CEP112: variants seen among roughly 807,000 people sequenced by gnomAD.
CEP112 encodes centrosomal protein 112.
CEP112 carries 127 observed loss-of-function variants against 153.0 expected under a neutral mutation model. The observed-to-expected ratio is 0.83, with a 90% CI of 0.72 to 0.96. The LOEUF is 0.96. CEP112 is among the 40% of genes least tolerant of loss of function. CEP112 has a pLI of 0.00. For missense variants in CEP112, 1,089 were observed against 1,101.2 expected (o/e 0.99, Z 0.16); for synonymous variants, 358 against 374.4 (o/e 0.96, Z 0.51).
chr17:66,039,538 C>T (rs2065886121), intron 12 of CEP112, among the ~76,000 whole-genome samples: 1 of 152,108 alleles, frequency 6.6e-6, no homozygotes, highest in Non-Finnish European at 1.5e-5. Context: ...GCCTGGGCAA[C>T]AGAGCAAGAC....
chr17:65,811,369 G>T (rs931922215), intron 21 of CEP112, among the ~76,000 whole-genome samples: 1 of 152,280 alleles, frequency 6.6e-6, no homozygotes, highest in Middle Eastern at 3.4e-3. Context: ...AGTCCCACAG[G>T]GCAAAAAACT....
chr17:65,702,599 G>C (rs1023641788), intron 23 of CEP112, among the ~76,000 whole-genome samples: 7 of 152,238 alleles, frequency 4.6e-5, no homozygotes, highest in Admixed American at 2.0e-4. Flanking sequence ...ATTATTGTTG[G>C]TAGTCTCTTA....
chr17:66,033,571 C>G (rs939982483), intron 12 of CEP112, among the ~76,000 whole-genome samples: 1 of 152,184 alleles, frequency 6.6e-6, no homozygotes, highest in Non-Finnish European at 1.5e-5. Flanking sequence ...TTACTGTTCT[C>G]TCTGCCTAAA....
intron 24 of CEP112, among the ~76,000 whole-genome samples, chr17:65,677,146 C>T (rs2047277544): frequency 6.6e-6 from 1 of 152,122 alleles, no homozygotes; most frequent in Non-Finnish European, 1.5e-5. Context: ...TGCTCTTTAC[C>T]TCCTATTTCT....
Position 65,855,934 on chromosome 17 carries a change from T to C in CEP112, c.2164-3900A>G, listed in dbSNP as rs557827588. On this transcript the variant is annotated intron_variant, in intron 20 of 26. Coordinates refer to ENST00000535342, the MANE Select transcript of CEP112 (RefSeq NM_001199165.4). ...CAGAAATGAGTCAGGTGTGGTGGGG[T>C]GTGCCTGTAGTCCCAGCTACTCAGG... 9.2e-5 allele frequency among the ~76,000 whole-genome samples: 14 copies of C among 151,878 alleles called. No homozygotes were observed. The South Asian group carries it at 2.5e-3, about 27-fold the overall frequency.
chr17:65,677,116 G>A lies in CEP112; in HGVS notation c.2697+12013C>T, dbSNP rs77955806. Among the ~76,000 whole-genome samples, 1,286 of 152,190 alleles carry A rather than the reference G, an allele frequency of 8.4e-3. 18 individuals carry two copies. The highest frequency in any genetic ancestry group is 0.029 in the African/African-American group (1,208 of 41,532). On this transcript the variant is annotated intron_variant, in intron 24 of 26. Coordinates refer to ENST00000535342, the MANE Select transcript of CEP112 (RefSeq NM_001199165.4). Reference sequence around the variant, plus strand: ...TCCTTCTTATTAATAATAAAAAACTGGACAATCTGGCTGTCAGCGTGCTCT... The same window carrying A: ...TCCTTCTTATTAATAATAAAAAACTAGACAATCTGGCTGTCAGCGTGCTCT...
chr17:65,880,235 T>C (rs2146592203), intron 20 of CEP112, among the ~76,000 whole-genome samples: 1 of 152,330 alleles, frequency 6.6e-6, no homozygotes, highest in South Asian at 2.1e-4. Flanking sequence ...ATTATTTAGA[T>C]GACCTATAAT....
At chr17:65,710,390 C>A (rs181957278) in intron 23 of CEP112, among the ~76,000 whole-genome samples, 1 of 152,106 alleles carries the variant, frequency 6.6e-6, no homozygotes, top group East Asian at 1.9e-4. Context: ...CTGTGATTTT[C>A]TTATTAATTT....
intron 20 of CEP112, 32 bp downstream of exon 20, chr17:65,902,120 T>C (rs370915298): frequency 1.2e-5 from 18 of 1,541,310 alleles, no homozygotes; most frequent in African/African-American, 1.4e-5. Context: ...TAAAAACAGA[T>C]ACCCGTTTTA....
intron 8 of CEP112, among the ~76,000 whole-genome samples, chr17:66,090,489 A>C (rs907733918): frequency 1.3e-5 from 2 of 152,108 alleles, no homozygotes; most frequent in South Asian, 2.1e-4. Context: ...GCCTGTCATG[A>C]AAATAAGATG....
At chr17:65,781,253 A>G (rs1410013695) in intron 21 of CEP112, among the ~76,000 whole-genome samples, 1 of 152,182 alleles carries the variant, frequency 6.6e-6, no homozygotes, top group Non-Finnish European at 1.5e-5. Flanking sequence ...TCAGGAATGC[A>G]ATCTCATCTA....
At chr17:66,001,854 T>C (rs1222935709) in intron 17 of CEP112, among the ~76,000 whole-genome samples, 1 of 152,182 alleles carries the variant, frequency 6.6e-6, no homozygotes, top group Non-Finnish European at 1.5e-5. Context: ...CCCATATGCT[T>C]TAATTACTTA....
chr17:65,856,943 A>C (rs2058140919), intron 20 of CEP112, among the ~76,000 whole-genome samples: 1 of 152,214 alleles, frequency 6.6e-6, no homozygotes, highest in Non-Finnish European at 1.5e-5. Context: ...TCACCCTTCC[A>C]GTACAGGCAT....
chr17:65,767,596 G>GA (rs1371456374), intron 21 of CEP112, among the ~76,000 whole-genome samples: 1 of 151,624 alleles, frequency 6.6e-6, no homozygotes. Flanking sequence ...GTTGGTTTTT[G>GA]AAAAAATGAA....
chr17:65,774,087 A>C (rs923345504), intron 21 of CEP112, among the ~76,000 whole-genome samples: 5 of 41,612 alleles, frequency 1.2e-4, no homozygotes, highest in Non-Finnish European at 1.9e-4. Context: ...GCTCCATCTC[A>C]AAAAAAAAAA....
At chr17:65,771,741 A>G (rs1361208137) in intron 21 of CEP112, among the ~76,000 whole-genome samples, 1 of 152,214 alleles carries the variant, frequency 6.6e-6, no homozygotes, top group Non-Finnish European at 1.5e-5. Flanking sequence ...ATGGCTAGGC[A>G]TGGTAGCTCA....
chr17:66,052,881 C>A (rs1484227565), intron 12 of CEP112, among the ~76,000 whole-genome samples: 2 of 151,868 alleles, frequency 1.3e-5, no homozygotes, highest in African/African-American at 4.8e-5. Context: ...CCAACGCGGG[C>A]AGATCGCTTG....
intron 12 of CEP112, among the ~76,000 whole-genome samples, chr17:66,037,491 A>C (rs1039365574): frequency 6.6e-6 from 1 of 152,160 alleles, no homozygotes; most frequent in Non-Finnish European, 1.5e-5. Context: ...TATAATGCTA[A>C]GTAATGATTA....
intron 23 of CEP112, among the ~76,000 whole-genome samples, chr17:65,700,966 T>C (rs1046728231): frequency 4.1e-4 from 63 of 152,290 alleles, no homozygotes; most frequent in African/African-American, 1.5e-3. Context: ...CTTAGGACAT[T>C]AAATTTTCGG....
Sources: allele counts gnomAD v4.1 joint callset (sites outside exome capture counted in the v4.1 genomes callset), GRCh38; gene constraint gnomAD v4.1.1; transcripts MANE v1.5; gene names NCBI Gene and HGNC (gene_info 2026-07-23, HGNC 2026-07-21).